The following SLC39A11 variants were observed in gnomAD, a reference collection of about 807,000 sequenced individuals.
The protein encoded by SLC39A11 is solute carrier family 39 member 11.
A neutral mutation model predicts 36.1 loss-of-function variants in SLC39A11; 33 were observed. The observed-to-expected ratio is 0.91, with a 90% confidence interval of 0.69 to 1.22. SLC39A11 has a LOEUF of 1.22. SLC39A11 is among the 50% of genes most tolerant of loss of function. The pLI is 0.00. For synonymous variants in SLC39A11, 166 were observed against 170.3 expected, an observed-to-expected ratio of 0.97 and a Z score of 0.20; for missense variants, 432 against 430.3, an observed-to-expected ratio of 1.00 and a Z score of -0.03.
intron 5 of SLC39A11, among the ~76,000 whole-genome samples, chr17:72,912,333 C>A (rs1044129042): frequency 1.1e-4 from 17 of 151,972 alleles, no homozygotes; most frequent in Non-Finnish European, 2.5e-4. Flanking sequence ...AGAAGCCACA[C>A]ACAGAAGACC....
chr17:72,757,285 C>G (rs959471196), intron 6 of SLC39A11, among the ~76,000 whole-genome samples: 4 of 152,150 alleles, frequency 2.6e-5, no homozygotes, highest in African/African-American at 9.7e-5. Flanking sequence ...AGACCCGATT[C>G]AAGTAAAGAC....
At position 72,703,155 on chromosome 17, in the gene SLC39A11, T is replaced by C. The variant is rs180895856; in HGVS notation, c.671+33495A>G. On this transcript the variant is annotated intron_variant, in intron 7 of 9. Coordinates refer to ENST00000255559, the MANE Select transcript of SLC39A11 (RefSeq NM_139177.4). ...TTTATTTTATAGGCTTTTCCTGAGATATTAGGGGGTTTCCATCAGGAGTGG... is the reference window on the plus strand; with the variant it reads ...TTTATTTTATAGGCTTTTCCTGAGACATTAGGGGGTTTCCATCAGGAGTGG... Among the ~76,000 whole-genome samples, 173 of 152,144 alleles carry C rather than the reference T, an allele frequency of 1.1e-3. 2 individuals are homozygous for C. Among genetic ancestry groups the C allele is most frequent in the African/African-American group, 4.0e-3 (168 of 41,486 alleles).
intron 4 of SLC39A11, among the ~76,000 whole-genome samples, chr17:72,955,601 G>A (rs1313857113): frequency 2.0e-5 from 3 of 151,500 alleles, no homozygotes; most frequent in African/African-American, 4.9e-5. Context: ...GAGCCGCAGC[G>A]CCCAGCTGAC....
intron 5 of SLC39A11, among the ~76,000 whole-genome samples, chr17:72,924,984 A>G (rs2083947815): frequency 6.9e-6 from 1 of 145,614 alleles, no homozygotes; most frequent in African/African-American, 2.7e-5. Flanking sequence ...CCTGGGTGAC[A>G]GAGTGAGACT....
chr17:73,081,799 T>C lies in SLC39A11; in HGVS notation c.147+3009A>G, dbSNP rs184676930. ...TATATCATGGACTACTACTCACCCA[T>C]AAAAAGGAATGAAATAATGGTACTC... On this transcript the variant is annotated intron_variant, in intron 3 of 9. Coordinates refer to ENST00000255559, the MANE Select transcript of SLC39A11 (RefSeq NM_139177.4). Among the ~76,000 whole-genome samples the C allele has an allele frequency of 6.8e-4, 72 of 105,268 alleles. No individual in the cohort carries two copies. The East Asian group carries it at 0.017, about 25-fold the overall frequency. 69.1% of individuals were successfully genotyped at this position (105,268 alleles called of 152,430 possible).
At chr17:72,972,243 G>A (rs1018826749) in intron 4 of SLC39A11, among the ~76,000 whole-genome samples, 2 of 152,104 alleles carry the variant, frequency 1.3e-5, no homozygotes, top group East Asian at 1.9e-4. Flanking sequence ...CAGCCATCAC[G>A]GCCCATCATG....
chr17:73,029,093 G>C lies in SLC39A11; in HGVS notation c.306+2463C>G, dbSNP rs546244707. ...AGATCACGCCATTGCACTCCAGCCT[G>C]GGTGACAGAGTGAGACGCCGTCACA... On this transcript the variant is annotated intron_variant, in intron 4 of 9. Transcript: ENST00000255559. 7.5e-4 allele frequency among the ~76,000 whole-genome samples: 111 copies of C among 147,338 alleles called. 1 individual carries two copies. The highest frequency in any genetic ancestry group is 2.6e-3 in the African/African-American group (106 of 40,562).
intron 7 of SLC39A11, among the ~76,000 whole-genome samples, chr17:72,681,546 C>G (rs1345001686): frequency 6.6e-6 from 1 of 152,188 alleles, no homozygotes; most frequent in Non-Finnish European, 1.5e-5. Flanking sequence ...GCTCTTCTCC[C>G]TATCACAGCC....
chr17:72,832,918 C>A (rs1263678757), intron 6 of SLC39A11, among the ~76,000 whole-genome samples: 1 of 152,190 alleles, frequency 6.6e-6, no homozygotes, highest in Non-Finnish European at 1.5e-5. Flanking sequence ...GCCACCTCAA[C>A]AGAGGAGGGA....
chr17:72,910,623 C>CAAAAAAA (rs759842114), intron 5 of SLC39A11, among the ~76,000 whole-genome samples: 4 of 50,014 alleles, frequency 8.0e-5, no homozygotes, highest in African/African-American at 2.9e-4. Context: ...GACTCCGTCT[C>CAAAAAAA]AAAAAAAAAA....
At chr17:73,079,158 T>A (rs141627723) in intron 3 of SLC39A11, among the ~76,000 whole-genome samples, 1 of 152,090 alleles carries the variant, frequency 6.6e-6, no homozygotes, top group African/African-American at 2.4e-5. Flanking sequence ...CAAGGGTGCA[T>A]GCAATCTTGG....
intron 7 of SLC39A11, among the ~76,000 whole-genome samples, chr17:72,666,084 T>C (rs2070743631): frequency 1.3e-5 from 2 of 152,162 alleles, no homozygotes; most frequent in African/African-American, 2.4e-5. Flanking sequence ...CATGTCACAA[T>C]TCTCTGGGCC....
At chr17:72,769,267 T>C (rs1204002741) in intron 6 of SLC39A11, among the ~76,000 whole-genome samples, 2 of 152,196 alleles carry the variant, frequency 1.3e-5, no homozygotes, top group African/African-American at 4.8e-5. Flanking sequence ...CATCTTTCTT[T>C]CCAACGTGTC....
intron 7 of SLC39A11, among the ~76,000 whole-genome samples, chr17:72,709,506 C>T (rs2073030031): frequency 6.6e-6 from 1 of 152,180 alleles, no homozygotes; most frequent in Admixed American, 6.5e-5. Flanking sequence ...AGGGTTTCTC[C>T]TTGAACAGAG....
At position 73,068,188 on chromosome 17, in the gene SLC39A11, G is replaced by A. The variant is rs2060053692; in HGVS notation, c.147+16620C>T. Reference sequence around the variant, plus strand: ...CCGGAGAAACTGCAGTGGAAGACGGGGGCTCCAGAGTGGTTGTTTCTGGGG... The same window carrying A: ...CCGGAGAAACTGCAGTGGAAGACGGAGGCTCCAGAGTGGTTGTTTCTGGGG... On this transcript the variant is annotated intron_variant, in intron 3 of 9. Coordinates refer to ENST00000255559, the MANE Select transcript of SLC39A11 (RefSeq NM_139177.4). 6.7e-6 allele frequency: 8 copies of A among 1,199,730 alleles called. No homozygotes were observed. In the South Asian group the frequency reaches 9.4e-5, roughly 14 times the overall value. The allele number at this position is 1,199,730 out of a possible 1,614,324, so 74.3% of individuals were successfully genotyped here. A position where few individuals can be genotyped will look rare whatever the true frequency, so the allele number is the denominator to read the frequency against.
At chr17:72,678,593 T>A (rs990465541) in intron 7 of SLC39A11, among the ~76,000 whole-genome samples, 2 of 151,906 alleles carry the variant, frequency 1.3e-5, no homozygotes, top group African/African-American at 4.8e-5. Context: ...TAATCCCAGC[T>A]ACTCGGGAGG....
At chr17:73,022,571 G>C (rs1313708539) in intron 4 of SLC39A11, among the ~76,000 whole-genome samples, 1 of 125,224 alleles carries the variant, frequency 8.0e-6, no homozygotes, top group Non-Finnish European at 1.6e-5. Context: ...CTCCAGCCTG[G>C]GAGACAAGAG....
chr17:72,988,544 T>C (rs2088931333), intron 4 of SLC39A11, among the ~76,000 whole-genome samples: 1 of 152,072 alleles, frequency 6.6e-6, no homozygotes, highest in South Asian at 2.1e-4. Context: ...AAATAGTAGG[T>C]CTTACTCATT....
At chr17:72,671,780 A>C (rs2071032951) in intron 7 of SLC39A11, among the ~76,000 whole-genome samples, 1 of 152,216 alleles carries the variant, frequency 6.6e-6, no homozygotes, top group African/African-American at 2.4e-5. Flanking sequence ...ATCATAAGAC[A>C]AATACTGAAC....
Sources: allele counts gnomAD v4.1 joint callset (sites outside exome capture counted in the v4.1 genomes callset), GRCh38; gene constraint gnomAD v4.1.1; transcripts MANE v1.5; gene names NCBI Gene and HGNC (gene_info 2026-07-23, HGNC 2026-07-21).